Variants in CELF2 observed in about 807,000 individuals in gnomAD.
The protein encoded by CELF2 is CUGBP Elav-like family member 2.
CELF2 carries 8 observed loss-of-function variants against 62.6 expected under a neutral mutation model. The ratio of observed to expected loss-of-function variants is 0.13; its 90% confidence interval spans 0.07 to 0.23. The LOEUF (loss-of-function observed/expected upper bound fraction) is 0.23. Ranked by LOEUF, CELF2 falls within the 10% of genes least tolerant of loss-of-function variation. The pLI is 1.00. For synonymous variants in CELF2, 258 were observed against 250.0 expected (o/e 1.03, Z -0.30); for missense variants, 333 against 671.0 (o/e 0.50, Z 5.56).
the CELF2 span, among the ~76,000 whole-genome samples, chr10:10,681,453 C>T: frequency 6.6e-6 from 1 of 152,224 alleles, no homozygotes; most frequent in East Asian, 1.9e-4. Flanking sequence ...AGGTCATACC[C>T]TCTCCATTCC....
At chr10:10,822,084 C>T (rs1319374245) in intron 1 of CELF2, among the ~76,000 whole-genome samples, 1 of 152,210 alleles carries the variant, frequency 6.6e-6, no homozygotes, top group East Asian at 1.9e-4. Flanking sequence ...TCACAACCAC[C>T]TGTTGATGTG....
rs901872174 is a variant in CELF2 at position 10,972,124 on chromosome 10, T to C, written c.89+52125T>C. Among the ~76,000 whole-genome samples the C allele has an allele frequency of 2.0e-5, 3 of 152,212 alleles. No individual in the cohort carries two copies. Among genetic ancestry groups the C allele is most frequent in the Non-Finnish European group, 4.4e-5 (3 of 68,046 alleles). On this transcript the variant is annotated intron_variant, in intron 2 of 13. Transcript: ENST00000636488. This position sits in a 1 kb window ranked among gnomAD's most constrained non-coding sequence, Gnocchi z 4.4. Reference sequence around the variant, plus strand: ...GGCAATTGTTAAAATTTAGCCTTTATGGAGTCCTCATATACTGGATTTCTC... The same window carrying C: ...GGCAATTGTTAAAATTTAGCCTTTACGGAGTCCTCATATACTGGATTTCTC...
the CELF2 span, among the ~76,000 whole-genome samples, chr10:10,751,728 C>T: frequency 6.6e-6 from 1 of 152,178 alleles, no homozygotes; most frequent in South Asian, 2.1e-4. Flanking sequence ...GCACAAATCT[C>T]GTACTGCTTT....
At chr10:11,061,956 G>A (rs1189918414) in intron 1 of CELF2, among the ~76,000 whole-genome samples, 1 of 152,184 alleles carries the variant, frequency 6.6e-6, no homozygotes, top group Admixed American at 6.5e-5. Flanking sequence ...AGAACTATAG[G>A]CACCTGCCAC....
At position 10,963,211 on chromosome 10, in the gene CELF2, G is replaced by A. The variant is rs770198447; in HGVS notation, c.89+43212G>A. The stretch of plus-strand genomic sequence containing the variant: ...TGGGATTACAGGCACACGCCACCAC[G>A]TTCAGCTAATTTTTGTATTTTTTAG... On this transcript the variant is annotated intron_variant, in intron 2 of 13. Coordinates refer to the CELF2 transcript ENST00000636488. Among the ~76,000 whole-genome samples the A allele has an allele frequency of 7.9e-4, 120 of 152,022 alleles. 2 individuals carry two copies. Among genetic ancestry groups the A allele is most frequent in the Non-Finnish European group, 1.5e-3 (99 of 67,970 alleles).
chr10:10,578,290 A>T, the CELF2 span, among the ~76,000 whole-genome samples: 2 of 151,892 alleles, frequency 1.3e-5, no homozygotes, highest in Non-Finnish European at 2.9e-5. Context: ...GGTTGCAAAA[A>T]TTTTCTCCCA....
At chr10:10,474,974 G>T in the CELF2 span, among the ~76,000 whole-genome samples, 1 of 152,032 alleles carries the variant, frequency 6.6e-6, no homozygotes, top group Non-Finnish European at 1.5e-5. Flanking sequence ...TTAACACAGA[G>T]GTCAATAGGA....
At chr10:11,115,428 G>T (rs552256928) in intron 1 of CELF2, among the ~76,000 whole-genome samples, 1 of 152,220 alleles carries the variant, frequency 6.6e-6, no homozygotes, top group Admixed American at 6.5e-5. Flanking sequence ...TTCTTGTAGG[G>T]AAAAGAAAGG....
the CELF2 span, among the ~76,000 whole-genome samples, chr10:10,733,055 A>T: frequency 6.6e-6 from 1 of 152,294 alleles, no homozygotes; most frequent in South Asian, 2.1e-4. Context: ...TAACTGCAGG[A>T]CCATATTTTA....
chr10:10,891,024 A>AAAC (rs3028996), intron 1 of CELF2, among the ~76,000 whole-genome samples: 46,419 of 151,156 alleles, frequency 0.31, 8,241 homozygotes, highest in East Asian at 0.67. Context: ...TCAAAAAAAC[A>AAAC]AACAACAACA....
intron 7 of CELF2, among the ~76,000 whole-genome samples, chr10:11,273,867 A>G (rs1401809920): frequency 6.6e-6 from 1 of 151,968 alleles, no homozygotes; most frequent in South Asian, 2.1e-4. Context: ...GATTACAGGC[A>G]TGTGCCACCA....
At chr10:10,853,321 G>T (rs11256870) in intron 1 of CELF2, among the ~76,000 whole-genome samples, 2,346 of 152,156 alleles carry the variant, frequency 0.015, 75 homozygotes, top group African/African-American at 0.054. Flanking sequence ...TAGGATTCTT[G>T]GTTGCTGTAA....
chr10:10,646,789 C>T, the CELF2 span, among the ~76,000 whole-genome samples: 2 of 152,182 alleles, frequency 1.3e-5, no homozygotes, highest in African/African-American at 4.8e-5. Context: ...TTGCCAAGAG[C>T]CTTTCTCTAA....
the CELF2 span, among the ~76,000 whole-genome samples, chr10:10,725,127 T>C: frequency 3.9e-5 from 6 of 152,406 alleles, no homozygotes; most frequent in Admixed American, 2.6e-4. Context: ...AGCTCCATTA[T>C]CAACTCTAAT....
chr10:10,636,514 A>G, the CELF2 span, among the ~76,000 whole-genome samples: 2 of 152,226 alleles, frequency 1.3e-5, no homozygotes, highest in African/African-American at 4.8e-5. Flanking sequence ...CTACATCACA[A>G]TAATTGTGTG....
At chr10:11,143,284 A>G (rs1482694766) in intron 1 of CELF2, among the ~76,000 whole-genome samples, 1 of 152,242 alleles carries the variant, frequency 6.6e-6, no homozygotes, top group Non-Finnish European at 1.5e-5. Flanking sequence ...CAGTTTAATG[A>G]AATATCTTGC....
At chr10:10,710,923 A>G in the CELF2 span, among the ~76,000 whole-genome samples, 1 of 152,240 alleles carries the variant, frequency 6.6e-6, no homozygotes, top group African/African-American at 2.4e-5. Context: ...TTTTAAAATT[A>G]AGGTGAGTGC....
At chr10:11,294,127 T>A (rs1214167838) in intron 9 of CELF2, among the ~76,000 whole-genome samples, 1 of 152,234 alleles carries the variant, frequency 6.6e-6, no homozygotes, top group Non-Finnish European at 1.5e-5. Context: ...ATTTTACAAA[T>A]AGTGGCTTTC....
At chr10:10,594,430 C>A in the CELF2 span, among the ~76,000 whole-genome samples, 15 of 152,326 alleles carry the variant, frequency 9.8e-5, no homozygotes, top group African/African-American at 3.4e-4. Flanking sequence ...AGGCATGAGA[C>A]TGCATAGTGC....
Sources: allele counts gnomAD v4.1 joint callset (sites outside exome capture counted in the v4.1 genomes callset), GRCh38; gene constraint gnomAD v4.1.1; non-coding constraint Gnocchi (gnomAD v3.1); transcripts MANE v1.5; gene names NCBI Gene and HGNC (gene_info 2026-07-23, HGNC 2026-07-21).